The following CDH13 variants were observed in gnomAD, a reference collection of about 807,000 sequenced individuals.
The protein encoded by CDH13 is cadherin 13.
In CDH13, 24 loss-of-function variants were observed where a neutral mutation model predicts 63.8. The observed-to-expected ratio is 0.38, with a 90% CI of 0.27 to 0.53. The LOEUF is 0.53. Ranked by LOEUF, CDH13 falls within the 20% of genes least tolerant of loss-of-function variation. The pLI is 0.85. For missense variants in CDH13, 1,049 were observed against 903.1 expected, an observed-to-expected ratio of 1.16 and a Z score of -2.07; for synonymous variants, 503 against 355.3, an observed-to-expected ratio of 1.42 and a Z score of -4.67.
intron 1 of CDH13, among the ~76,000 whole-genome samples, chr16:82,694,877 G>T (rs1484632117): frequency 1.3e-5 from 2 of 152,128 alleles, no homozygotes; most frequent in Non-Finnish European, 2.9e-5. Context: ...TATAAAGGAG[G>T]CGCCTTGGGT....
intron 2 of CDH13, among the ~76,000 whole-genome samples, chr16:82,892,923 C>T (rs947558769): frequency 1.3e-5 from 2 of 152,146 alleles, no homozygotes; most frequent in Non-Finnish European, 2.9e-5. Context: ...TCCCTAAACA[C>T]ATTTTGACAT....
At chr16:83,504,442 A>G (rs1462842022) in intron 7 of CDH13, among the ~76,000 whole-genome samples, 1 of 152,226 alleles carries the variant, frequency 6.6e-6, no homozygotes, top group East Asian at 1.9e-4. Context: ...ATGCCACCAG[A>G]AGACACTCAG....
chr16:83,128,192 T>C (rs780720411), intron 4 of CDH13, among the ~76,000 whole-genome samples: 19 of 152,000 alleles, frequency 1.3e-4, no homozygotes, highest in Non-Finnish European at 2.5e-4. Context: ...GGGGTGGGGG[T>C]GAGGACCATG....
At chr16:82,729,375 G>C (rs1215611075) in intron 1 of CDH13, among the ~76,000 whole-genome samples, 1 of 152,108 alleles carries the variant, frequency 6.6e-6, no homozygotes, top group African/African-American at 2.4e-5. Flanking sequence ...TAGATCCATG[G>C]GCTGCGCAAT....
At chr16:82,940,980 G>A (rs926032944) in intron 2 of CDH13, among the ~76,000 whole-genome samples, 1 of 152,146 alleles carries the variant, frequency 6.6e-6, no homozygotes, top group Non-Finnish European at 1.5e-5. Flanking sequence ...AATGGAGAAG[G>A]TGCACATTTG....
intron 6 of CDH13, among the ~76,000 whole-genome samples, chr16:83,422,757 C>T (rs909838267): frequency 6.6e-6 from 1 of 151,976 alleles, no homozygotes; most frequent in African/African-American, 2.4e-5. Flanking sequence ...CCAAAGTTGC[C>T]CCAACTTTAA....
At chr16:83,406,910 T>C (rs1436501447) in intron 6 of CDH13, among the ~76,000 whole-genome samples, 1 of 152,252 alleles carries the variant, frequency 6.6e-6, no homozygotes, top group Non-Finnish European at 1.5e-5. Flanking sequence ...AAGTATCTTA[T>C]ACATTGTCCA....
At chr16:83,261,884 C>A (rs139778055) in intron 5 of CDH13, among the ~76,000 whole-genome samples, 4 of 152,086 alleles carry the variant, frequency 2.6e-5, no homozygotes, top group Non-Finnish European at 5.9e-5. Context: ...GGAGGAGTCA[C>A]TCAAAGAGTC....
chr16:83,532,784 A>G (rs2075108636), intron 7 of CDH13, among the ~76,000 whole-genome samples: 1 of 152,134 alleles, frequency 6.6e-6, no homozygotes, highest in Non-Finnish European at 1.5e-5. Context: ...GTCCCTTTGC[A>G]CTAGAGCAGT....
chr16:82,906,455 C>G (rs558040838), intron 2 of CDH13, among the ~76,000 whole-genome samples: 4 of 152,172 alleles, frequency 2.6e-5, no homozygotes, highest in Non-Finnish European at 5.9e-5. Flanking sequence ...AGAGTTCTTA[C>G]TTCCATGTCC....
At chr16:83,295,195 G>A (rs1168964225) in intron 5 of CDH13, among the ~76,000 whole-genome samples, 1 of 152,068 alleles carries the variant, frequency 6.6e-6, no homozygotes, top group African/African-American at 2.4e-5. Context: ...AATGAAATTG[G>A]ACTCCTATCT....
intron 8 of CDH13, among the ~76,000 whole-genome samples, chr16:83,646,602 G>C (rs1387170384): frequency 6.7e-6 from 1 of 149,850 alleles, no homozygotes; most frequent in Non-Finnish European, 1.5e-5. Flanking sequence ...CTCAGAGGCT[G>C]AGGCAGGAGA....
chr16:83,089,297 T>C (rs1343821212), intron 3 of CDH13, among the ~76,000 whole-genome samples: 1 of 152,242 alleles, frequency 6.6e-6, no homozygotes, highest in Non-Finnish European at 1.5e-5. Flanking sequence ...TCATAAATTT[T>C]ACTTTATAAA....
intron 2 of CDH13, among the ~76,000 whole-genome samples, chr16:83,025,757 C>A (rs893689478): frequency 6.6e-6 from 1 of 152,114 alleles, no homozygotes; most frequent in African/African-American, 2.4e-5. Flanking sequence ...TGCTGGCATG[C>A]CAGTCCCCAA....
chr16:83,502,466 C>G (rs1460825879), intron 7 of CDH13, among the ~76,000 whole-genome samples: 1 of 152,114 alleles, frequency 6.6e-6, no homozygotes, highest in Non-Finnish European at 1.5e-5. Context: ...CCCACTGAGA[C>G]CCACTTTGGA....
chr16:82,809,089 C>T (rs2037308128), intron 1 of CDH13, among the ~76,000 whole-genome samples: 1 of 151,902 alleles, frequency 6.6e-6, no homozygotes, highest in South Asian at 2.1e-4. Flanking sequence ...TATGTATCTA[C>T]ATATATGTAT....
At chr16:82,972,441 T>C (rs1046038202) in intron 2 of CDH13, among the ~76,000 whole-genome samples, 6 of 152,186 alleles carry the variant, frequency 3.9e-5, no homozygotes, top group African/African-American at 1.4e-4. Flanking sequence ...CAGCATCTCA[T>C]CTCTTCTTTA....
Position 83,380,992 on chromosome 16 carries a change from T to A in CDH13, c.781+35986T>A, listed in dbSNP as rs188256382. 2.0e-5 allele frequency among the ~76,000 whole-genome samples: 3 copies of A among 152,236 alleles called. No homozygotes were observed. The East Asian group carries it at 5.8e-4, about 29-fold the overall frequency. ...TAGTATATAACCTTCTTGTCTATGT[T>A]TCTATAATTAAATAACTATGTTCCT... On this transcript the variant is annotated intron_variant, in intron 6 of 13. Coordinates refer to ENST00000567109, the MANE Select transcript of CDH13 (RefSeq NM_001257.5).
At chr16:82,828,761 T>C (rs2038384985) in intron 1 of CDH13, among the ~76,000 whole-genome samples, 1 of 152,136 alleles carries the variant, frequency 6.6e-6, no homozygotes, top group African/African-American at 2.4e-5. Context: ...GTACAACTAT[T>C]TTCATAGCAT....
Sources: allele counts gnomAD v4.1 joint callset (sites outside exome capture counted in the v4.1 genomes callset), GRCh38; gene constraint gnomAD v4.1.1; transcripts MANE v1.5; gene names NCBI Gene and HGNC (gene_info 2026-07-23, HGNC 2026-07-21).